The following DIP2C variants were observed in gnomAD, a reference collection of about 807,000 sequenced individuals.
DIP2C encodes DIP2 acetate--CoA ligase C (putative).
A neutral mutation model predicts 192.4 loss-of-function variants in DIP2C; 33 were observed. That is an observed-to-expected ratio of 0.17 (90% CI 0.13 to 0.23). DIP2C has a LOEUF of 0.23. Among genes scored for constraint, DIP2C ranks in the 10% least tolerant of loss-of-function variants. The probability of loss-of-function intolerance (pLI) is 1.00; values close to 1 mark genes in which losing one functional copy is unlikely to be tolerated. For missense variants in DIP2C, 1,537 were observed against 2,110.1 expected (o/e 0.73, Z 5.32); for synonymous variants, 979 against 864.1 (o/e 1.13, Z -2.33).
chr10:660,943 AG>A (rs1412119556), intron 1 of DIP2C, among the ~76,000 whole-genome samples: 1 of 152,236 alleles, frequency 6.6e-6, no homozygotes, highest in Non-Finnish European at 1.5e-5. Context: ...CCGTAACACA[AG>A]TGCTAACAAC....
At chr10:555,843 C>T (rs142962109) in intron 1 of DIP2C, among the ~76,000 whole-genome samples, 11 of 152,258 alleles carry the variant, frequency 7.2e-5, no homozygotes, top group African/African-American at 1.7e-4. Context: ...TCCACCCCCA[C>T]GGGAGGAACA....
rs1200105312 is a variant in DIP2C at position 415,959 on chromosome 10, T to TCCCACAGC, written c.740-79_740-72dup. The stretch of plus-strand genomic sequence containing the variant: ...TCAATGAGCACCCACAGTCCCACAG[T>TCCCACAGC]CCCACAGCCCCCTCCCCAGCGCGGC... On this transcript the variant is annotated intron_variant, in intron 6 of 36. Transcript: ENST00000280886. 5.0e-6 allele frequency: 8 copies of TCCCACAGC among 1,598,432 alleles called. No homozygotes were observed. The African/African-American group carries it at 1.1e-4, about 22-fold the overall frequency.
intron 30 of DIP2C, among the ~76,000 whole-genome samples, chr10:328,499 C>T (rs1321513180): frequency 3.9e-5 from 6 of 152,150 alleles, no homozygotes; most frequent in Non-Finnish European, 7.3e-5. Context: ...TGATTTTATT[C>T]TGGTTATTTA....
intron 1 of DIP2C, among the ~76,000 whole-genome samples, chr10:574,206 A>G (rs1163051218): frequency 1.3e-5 from 2 of 152,214 alleles, no homozygotes; most frequent in African/African-American, 2.4e-5. Context: ...TTTCTCTTAT[A>G]TACAAACATC....
At chr10:671,207 A>C (rs1830615852) in intron 1 of DIP2C, among the ~76,000 whole-genome samples, 4 of 152,256 alleles carry the variant, frequency 2.6e-5, no homozygotes, top group Admixed American at 2.6e-4. Context: ...GGCTCAGCAC[A>C]CAGCGATCAG....
At chr10:348,596 T>A (rs749687609) in intron 26 of DIP2C, 45 bp downstream of exon 26, 4 of 1,596,360 alleles carry the variant, frequency 2.5e-6, no homozygotes, top group Non-Finnish European at 3.4e-6. Context: ...AGCTCCACAC[T>A]CAGCTCCAGG....
intron 1 of DIP2C, among the ~76,000 whole-genome samples, chr10:600,319 T>C (rs1851974449): frequency 6.6e-6 from 1 of 152,040 alleles, no homozygotes; most frequent in African/African-American, 2.4e-5. Flanking sequence ...CAGCACAACC[T>C]CCCACTCCTT....
intron 1 of DIP2C, among the ~76,000 whole-genome samples, chr10:662,425 G>T: frequency 6.6e-6 from 1 of 152,242 alleles, no homozygotes; most frequent in East Asian, 1.9e-4. Context: ...GGATGTTCAA[G>T]GTGACCAGCC....
intron 4 of DIP2C, among the ~76,000 whole-genome samples, chr10:430,841 CCACTA>C (rs1966849332): frequency 6.6e-6 from 1 of 152,196 alleles, no homozygotes; most frequent in Non-Finnish European, 1.5e-5. Flanking sequence ...GAATATTTCA[CCACTA>C]TACTAATGAG....
intron 15 of DIP2C, 65 bp downstream of exon 15, chr10:384,481 A>G: frequency 2.6e-6 from 4 of 1,517,516 alleles, no homozygotes; most frequent in Non-Finnish European, 2.7e-6. Flanking sequence ...CAGGTGATCC[A>G]CCTGCTTTGG....
intron 3 of DIP2C, among the ~76,000 whole-genome samples, chr10:464,279 G>A (rs1305096521): frequency 6.6e-6 from 1 of 151,086 alleles, no homozygotes; most frequent in African/African-American, 2.4e-5. Flanking sequence ...CATCTACAAA[G>A]AACTTAAACA....
At chr10:587,510 C>T (rs1388003489) in intron 1 of DIP2C, among the ~76,000 whole-genome samples, 1 of 152,176 alleles carries the variant, frequency 6.6e-6, no homozygotes, top group Admixed American at 6.5e-5. Context: ...AACCTACAGT[C>T]CTATAAAGGT....
chr10:517,307 AC>A (rs1202899560), intron 1 of DIP2C, among the ~76,000 whole-genome samples: 3 of 151,990 alleles, frequency 2.0e-5, no homozygotes, highest in African/African-American at 7.3e-5. Context: ...TTAACATGAC[AC>A]CCCCACTATG....
intron 17 of DIP2C, among the ~76,000 whole-genome samples, chr10:374,537 G>A (rs987495213): frequency 6.6e-6 from 1 of 152,250 alleles, no homozygotes; most frequent in Admixed American, 6.5e-5. Context: ...AGCCACTGCT[G>A]TGGAGTGGAG....
chr10:304,890 C>T (rs923980489), intron 32 of DIP2C, among the ~76,000 whole-genome samples: 3 of 151,914 alleles, frequency 2.0e-5, no homozygotes, highest in Non-Finnish European at 4.4e-5. Context: ...CACATGCACA[C>T]TCATACTTGC....
chr10:419,271 C>T, intron 5 of DIP2C, 72 bp from the exon 6 acceptor site: 1 of 1,602,630 alleles, frequency 6.2e-7, no homozygotes, highest in Non-Finnish European at 8.5e-7. Context: ...AAGCCACAGC[C>T]CAGGAAGAGA....
chr10:328,080 T>C (rs1957353478), intron 30 of DIP2C, among the ~76,000 whole-genome samples: 1 of 152,012 alleles, frequency 6.6e-6, no homozygotes, highest in African/African-American at 2.4e-5. Flanking sequence ...CGTCAGGCCC[T>C]GCGAACCCTT....
At position 570,922 on chromosome 10, in the gene DIP2C, G is replaced by A. The variant is rs190331578; in HGVS notation, c.86-84392C>T. ...CTGCAACAGCAGCATCCCCCTCCTC[G>A]CCAGGCTCTGCTCAACAGACGTTAT... On this transcript the variant is annotated intron_variant, in intron 1 of 36. Transcript: ENST00000280886. 7.3e-3 allele frequency among the ~76,000 whole-genome samples: 1,117 copies of A among 152,186 alleles called. 7 individuals carry two copies. The highest frequency in any genetic ancestry group is 0.011 in the Non-Finnish European group (761 of 68,020).
At chr10:315,027 T>G (rs571132637) in intron 31 of DIP2C, among the ~76,000 whole-genome samples, 41 of 152,332 alleles carry the variant, frequency 2.7e-4, no homozygotes, top group Non-Finnish European at 3.5e-4. Context: ...TGCCTCCTTT[T>G]CTCATGAATA....
Sources: gnomAD v4.1 joint callset for allele counts (sites outside exome capture counted in the v4.1 genomes callset) on GRCh38, gnomAD v4.1.1 for gene constraint, MANE v1.5 for transcripts, NCBI Gene and HGNC (gene_info 2026-07-23, HGNC 2026-07-21) for gene names.